DCC: variants seen among roughly 807,000 people sequenced by gnomAD.
The protein encoded by DCC is DCC netrin 1 receptor.
Under a neutral mutation model 172.5 loss-of-function variants are expected in DCC, and 58 were observed. That is an observed-to-expected ratio of 0.34 (90% CI 0.27 to 0.42). The LOEUF (loss-of-function observed/expected upper bound fraction) is 0.42, where lower values mean the gene tolerates loss of function less well. Ranked by LOEUF, DCC falls within the 10% of genes least tolerant of loss-of-function variation. The pLI is 1.00. For missense variants in DCC, 1,740 were observed against 1,791.0 expected (o/e 0.97, Z 0.51); for synonymous variants, 709 against 644.5 (o/e 1.10, Z -1.52).
chr18:52,361,213 G>A (rs999989541), intron 1 of DCC, among the ~76,000 whole-genome samples: 1 of 152,226 alleles, frequency 6.6e-6, no homozygotes, highest in African/African-American at 2.4e-5. Flanking sequence ...TTACATAAAT[G>A]TGTGAGTTTG....
At chr18:53,117,322 T>A (rs558636338) in intron 7 of DCC, among the ~76,000 whole-genome samples, 2 of 151,882 alleles carry the variant, frequency 1.3e-5, no homozygotes, top group East Asian at 3.9e-4. Context: ...GCAGCAAGTT[T>A]CACTTGCTTC....
chr18:52,569,094 C>G (rs1431857693), intron 1 of DCC, among the ~76,000 whole-genome samples: 2 of 152,222 alleles, frequency 1.3e-5, no homozygotes, highest in Admixed American at 6.5e-5. Flanking sequence ...TGTGTAATAA[C>G]AAGATAGATC....
intron 5 of DCC, among the ~76,000 whole-genome samples, chr18:52,947,929 T>A (rs565301925): frequency 6.6e-6 from 1 of 152,290 alleles, no homozygotes; most frequent in East Asian, 1.9e-4. Flanking sequence ...AGGACTGAGA[T>A]GAAGTAAGAC....
At chr18:53,392,059 T>A (rs1344812117) in intron 17 of DCC, among the ~76,000 whole-genome samples, 172 bp downstream of exon 17, 1 of 152,182 alleles carries the variant, frequency 6.6e-6, no homozygotes, top group Non-Finnish European at 1.5e-5. Flanking sequence ...TAATTGTATT[T>A]TAGGAAACAA....
At chr18:53,448,758 C>T (rs983049672) in intron 22 of DCC, among the ~76,000 whole-genome samples, 8 of 152,180 alleles carry the variant, frequency 5.3e-5, no homozygotes, top group African/African-American at 1.9e-4. Flanking sequence ...GAGGCTGAGG[C>T]AAGAGAATCG....
intron 8 of DCC, among the ~76,000 whole-genome samples, chr18:53,171,866 AAAAT>A (rs2055018945): frequency 6.6e-6 from 1 of 152,126 alleles, no homozygotes; most frequent in Non-Finnish European, 1.5e-5. Flanking sequence ...TAAAAAAAAA[AAAAT>A]AATAAACAAT....
chr18:52,672,575 C>T (rs1483218025), intron 1 of DCC, among the ~76,000 whole-genome samples: 2 of 151,736 alleles, frequency 1.3e-5, no homozygotes, highest in Non-Finnish European at 2.9e-5. Flanking sequence ...CCAAATATCC[C>T]TCCCTCCCTT....
intron 7 of DCC, among the ~76,000 whole-genome samples, chr18:53,102,188 C>T (rs10468873): frequency 1.3e-5 from 2 of 152,102 alleles, no homozygotes; most frequent in African/African-American, 4.8e-5. Flanking sequence ...ATGTGACATG[C>T]AGGCACAAAA....
chr18:52,922,888 C>T (rs1160900789), intron 3 of DCC, among the ~76,000 whole-genome samples: 1 of 152,104 alleles, frequency 6.6e-6, no homozygotes, highest in East Asian at 1.9e-4. Flanking sequence ...GCTTATTCCA[C>T]CTGATATAAT....
At chr18:52,830,935 A>T (rs1300623493) in intron 2 of DCC, among the ~76,000 whole-genome samples, 1 of 152,148 alleles carries the variant, frequency 6.6e-6, no homozygotes, top group Non-Finnish European at 1.5e-5. Flanking sequence ...TGCAATAAAC[A>T]ATTGATAGAG....
intron 5 of DCC, among the ~76,000 whole-genome samples, chr18:52,973,606 C>T (rs2145590685): frequency 6.6e-6 from 1 of 152,198 alleles, no homozygotes; most frequent in African/African-American, 2.4e-5. Flanking sequence ...ATTTTGTGTT[C>T]CATGCATTCA....
At chr18:53,129,016 A>G (rs2043612714) in intron 7 of DCC, among the ~76,000 whole-genome samples, 1 of 151,554 alleles carries the variant, frequency 6.6e-6, no homozygotes, top group Non-Finnish European at 1.5e-5. Flanking sequence ...CTTCCTGAGT[A>G]GCTGGGACTA....
chr18:53,433,858 A>G (rs1042778202), intron 21 of DCC, among the ~76,000 whole-genome samples: 1 of 152,172 alleles, frequency 6.6e-6, no homozygotes, highest in South Asian at 2.1e-4. Flanking sequence ...GATATTAAAC[A>G]TGCCGTTTTA....
intron 13 of DCC, among the ~76,000 whole-genome samples, chr18:53,316,247 A>G (rs533573387): frequency 6.6e-6 from 1 of 152,246 alleles, no homozygotes; most frequent in East Asian, 1.9e-4. Context: ...CTAGTTTGTC[A>G]AAGATCAGAT....
At chr18:52,450,210 A>G (rs918060058) in intron 1 of DCC, among the ~76,000 whole-genome samples, 2 of 152,198 alleles carry the variant, frequency 1.3e-5, no homozygotes, top group Admixed American at 6.5e-5. Flanking sequence ...TTATTTTTAT[A>G]GTAACATAGG....
At chr18:52,712,849 C>T (rs2036317160) in intron 1 of DCC, among the ~76,000 whole-genome samples, 1 of 152,188 alleles carries the variant, frequency 6.6e-6, no homozygotes, top group Non-Finnish European at 1.5e-5. Context: ...TTTAAAAGGG[C>T]TGAGTGTGTA....
At chr18:52,456,649 A>G (rs1988466179) in intron 1 of DCC, among the ~76,000 whole-genome samples, 1 of 152,218 alleles carries the variant, frequency 6.6e-6, no homozygotes, top group South Asian at 2.1e-4. Flanking sequence ...GTTTGAAGAT[A>G]TAAATATTTG....
chr18:52,650,012 C>T (rs991669942), intron 1 of DCC, among the ~76,000 whole-genome samples: 1 of 120,892 alleles, frequency 8.3e-6, no homozygotes, highest in Admixed American at 1.1e-4. Context: ...GAGTATCGCT[C>T]TTGTTGCCCA....
At chr18:53,273,298 G>A (rs1032982685) in intron 12 of DCC, among the ~76,000 whole-genome samples, 3 of 151,832 alleles carry the variant, frequency 2.0e-5, no homozygotes, top group Admixed American at 6.6e-5. Flanking sequence ...CAGTCAATGA[G>A]GTTTGTCCTC....
Sources: allele counts gnomAD v4.1 joint callset (sites outside exome capture counted in the v4.1 genomes callset), GRCh38; gene constraint gnomAD v4.1.1; transcripts MANE v1.5; gene names NCBI Gene and HGNC (gene_info 2026-07-23, HGNC 2026-07-21).